The following PRMT7 variants were observed in gnomAD, a reference collection of about 807,000 sequenced individuals.
PRMT7 encodes protein arginine methyltransferase 7, also known as protein arginine N-methyltransferase 7.
A neutral mutation model predicts 85.4 loss-of-function variants in PRMT7; 75 were observed. The ratio of observed to expected loss-of-function variants is 0.88; its 90% CI spans 0.73 to 1.06. The LOEUF (loss-of-function observed/expected upper bound fraction) is 1.06. Ranked by LOEUF, PRMT7 falls within the 50% of genes least tolerant of loss-of-function variation. The pLI is 0.00. For synonymous variants in PRMT7, 397 were observed against 359.5 expected, an observed-to-expected ratio of 1.10 and a Z score of -1.18; for missense variants, 868 against 915.2, an observed-to-expected ratio of 0.95 and a Z score of 0.67.
intron 7 of PRMT7, 130 bp downstream of exon 7, chr16:68,337,701 C>T: frequency 2.4e-6 from 1 of 408,400 alleles, no homozygotes; most frequent in Non-Finnish European, 4.1e-6. Flanking sequence ...CCCCTCCATT[C>T]CTGGGGGGGC....
intron 10 of PRMT7, 166 bp from the exon 11 acceptor site, chr16:68,345,979 T>G (rs1597412597): frequency 7.6e-7 from 1 of 1,316,470 alleles, no homozygotes. Context: ...GGAGAGGCTG[T>G]CATGGGTTGC....
chr16:68,342,935 G>A (rs533969297), intron 9 of PRMT7, among the ~76,000 whole-genome samples: 1 of 152,316 alleles, frequency 6.6e-6, no homozygotes, highest in South Asian at 2.1e-4. Flanking sequence ...CTTTTGGCCG[G>A]TGGCTCACTC....
At chr16:68,338,911 C>T (rs1181930862) in intron 7 of PRMT7, among the ~76,000 whole-genome samples, 4 of 152,246 alleles carry the variant, frequency 2.6e-5, no homozygotes, top group East Asian at 1.9e-4. Context: ...CAGTGCCCAG[C>T]GGCGCTAGAG....
intron 8 of PRMT7, 26 bp from the exon 9 acceptor site, chr16:68,339,762 T>G: frequency 6.2e-7 from 1 of 1,607,062 alleles, no homozygotes; most frequent in Non-Finnish European, 8.5e-7. Flanking sequence ...TAAACTCTGC[T>G]TACATTCTTG....
chr16:68,328,720 TCTC>T (rs1327498521), intron 5 of PRMT7, among the ~76,000 whole-genome samples: 3 of 151,950 alleles, frequency 2.0e-5, no homozygotes, highest in African/African-American at 4.8e-5. Flanking sequence ...TACAGTCTGC[TCTC>T]CTCTGGAGGG....
rs962174610 is a variant in PRMT7, at chr16:68,347,264, C to T, written c.1245C>T (p.Ser415=). 9.0e-6 allele frequency: 14 copies of T among 1,551,392 alleles called. No individual in the cohort carries two copies. The highest frequency in any genetic ancestry group is 1.2e-5 in the South Asian group (1 of 83,900). The change falls in exon 12 of 19, where the codon TCC becomes TCT. Residue 415 remains serine (S), a synonymous_variant. Transcript: ENST00000441236. ...CLCVSDGSLL[S]VLAHHLGVEQ... The stretch of plus-strand genomic sequence containing the variant: ...GTGTCAGCGATGGCAGCCTGCTCTC[C>T]GTGCTGGCCCATCACCTGGGGGTGG...
chr16:68,342,875 C>T (rs1213386461), intron 9 of PRMT7, among the ~76,000 whole-genome samples: 1 of 152,160 alleles, frequency 6.6e-6, no homozygotes, highest in African/African-American at 2.4e-5. Flanking sequence ...CACATTCTTC[C>T]TAAGACTGTG....
intron 9 of PRMT7, among the ~76,000 whole-genome samples, chr16:68,343,673 G>A (rs2085884495): frequency 6.6e-6 from 1 of 152,164 alleles, no homozygotes; most frequent in Non-Finnish European, 1.5e-5. Context: ...TTCTTCACAT[G>A]CATTTGCATA....
At chr16:68,312,217 A>ATT (rs1314906945) in intron 2 of PRMT7, 41 bp downstream of exon 2, 1 of 41,102 alleles carries the variant, frequency 2.4e-5, no homozygotes, top group East Asian at 6.6e-4. Context: ...ATATATATAT[A>ATT]TATATATATA....
intron 1 of PRMT7, 115 bp downstream of exon 1, chr16:68,311,214 A>C: frequency 1.9e-6 from 1 of 529,502 alleles, no homozygotes; most frequent in East Asian, 3.5e-5. Context: ...GCCTACTTGG[A>C]CTCCTCCGCG....
intron 7 of PRMT7, among the ~76,000 whole-genome samples, chr16:68,337,797 A>G (rs2084920676): frequency 6.6e-6 from 1 of 152,208 alleles, no homozygotes. Context: ...ACTATATTCA[A>G]ATTCAGTTAA....
At chr16:68,335,587 C>CTT (rs879500343) in intron 6 of PRMT7, among the ~76,000 whole-genome samples, 2 of 143,778 alleles carry the variant, frequency 1.4e-5, no homozygotes, top group African/African-American at 5.1e-5. Flanking sequence ...AGGAAGTGTG[C>CTT]TTTTTTTTTT....
chr16:68,317,856 A>G lies in PRMT7; in HGVS notation c.95+1782A>G, dbSNP rs969682674. On this transcript the variant is annotated intron_variant, in intron 3 of 18. Coordinates refer to ENST00000441236, the MANE Select transcript of PRMT7 (RefSeq NM_019023.5). ...CAAAAAAAAAAAAAGAAAAAAAACC[A>G]CACACACACAGATGGGCTATTCTGG... is the stretch of plus-strand genomic sequence containing the variant. Among the ~76,000 whole-genome samples the G allele has an allele frequency of 5.0e-3, 639 of 128,304 alleles. 9 individuals carry two copies. The highest frequency in any genetic ancestry group is 0.017 in the African/African-American group (590 of 34,738). 84.2% of individuals were successfully genotyped at this position (128,304 alleles called of 152,430 possible).
chr16:68,347,455 G>T (rs1018182353), intron 12 of PRMT7, among the ~76,000 whole-genome samples, 161 bp downstream of exon 12: 3 of 152,216 alleles, frequency 2.0e-5, no homozygotes, highest in African/African-American at 7.2e-5. Flanking sequence ...GCCTGTGCGT[G>T]CAGGCAGGCG....
At chr16:68,324,363 C>T in intron 4 of PRMT7, 1 of 358,254 alleles carries the variant, frequency 2.8e-6, no homozygotes, top group Non-Finnish European at 5.2e-6. Context: ...CTCTGTCCTC[C>T]TACCTTCCAG....
intron 4 of PRMT7, 90 bp from the exon 5 acceptor site, chr16:68,324,593 C>A (rs2082884463): frequency 6.7e-7 from 1 of 1,499,956 alleles, no homozygotes; most frequent in South Asian, 1.2e-5. Flanking sequence ...ACTTGCACTG[C>A]CACTGCCAGC....
intron 3 of PRMT7, chr16:68,318,790 C>T (rs937671257): frequency 6.6e-6 from 1 of 152,454 alleles, no homozygotes; most frequent in African/African-American, 2.4e-5. Flanking sequence ...GCCTCTGCCT[C>T]CCAAAGTGCT....
chr16:68,326,094 T>G (rs1365782876), intron 5 of PRMT7, among the ~76,000 whole-genome samples: 2 of 152,216 alleles, frequency 1.3e-5, no homozygotes, highest in Non-Finnish European at 2.9e-5. Flanking sequence ...GGAAATTTGG[T>G]AAATACCAAA....
Position 68,311,057 on chromosome 16 carries a change from A to G in PRMT7, c.-261A>G. 1.2e-6 allele frequency: 1 copy of G among 857,698 alleles called. No homozygotes were observed. The highest frequency in any genetic ancestry group is 1.9e-6 in the Non-Finnish European group (1 of 528,706). The allele number at this position is 857,698 out of a possible 1,614,324, so 53.1% of individuals were successfully genotyped here. ...CCCGCCCCGCGTGCTGGCCGCGGTA[A>G]AAGTGGTAGCAGCGGAGGCGAGCGG... On this transcript the variant is annotated 5_prime_UTR_variant, in exon 1 of 19. Transcript: ENST00000441236.
Sources: allele counts gnomAD v4.1 joint callset (sites outside exome capture counted in the v4.1 genomes callset), GRCh38; gene constraint gnomAD v4.1.1; transcripts MANE v1.5; gene names NCBI Gene and HGNC (gene_info 2026-07-23, HGNC 2026-07-21).